The following SEC61A2 variants were observed in gnomAD, a reference collection of about 807,000 sequenced individuals.
SEC61A2 encodes the protein protein transport protein Sec61 subunit alpha isoform 2.
In SEC61A2, 28 loss-of-function variants were observed where a neutral mutation model predicts 59.9. The ratio of observed to expected loss-of-function variants is 0.47; its 90% CI spans 0.35 to 0.64. The LOEUF (loss-of-function observed/expected upper bound fraction) is 0.64. Among genes scored for constraint, SEC61A2 ranks in the 30% least tolerant of loss-of-function variants. SEC61A2 has a pLI of 0.01. For synonymous variants in SEC61A2, 202 were observed against 214.4 expected, an observed-to-expected ratio of 0.94 and a Z score of 0.50; for missense variants, 340 against 585.9, an observed-to-expected ratio of 0.58 and a Z score of 4.33.
chr10:12,160,818 G>A lies in SEC61A2; in HGVS notation c.976-112G>A. 1.2e-6 allele frequency: 1 copy of A among 844,744 alleles called. No individual in the cohort carries two copies. Among genetic ancestry groups the A allele is most frequent in the Non-Finnish European group, 1.9e-6 (1 of 533,610 alleles). 52.3% of individuals were successfully genotyped at this position (844,744 alleles called of 1,614,324 possible). ...CTGAAACTACATAGAATGACTAGCT[G>A]TAGATGCCTTGAACTTAAAACACTG... On this transcript the variant is annotated intron_variant, in intron 9 of 11. Coordinates refer to ENST00000298428, the MANE Select transcript of SEC61A2 (RefSeq NM_018144.4). This position sits in a 1 kb window ranked among gnomAD's most constrained non-coding sequence, Gnocchi z 4.1.
chr10:12,141,916 A>C (rs1016874117), intron 3 of SEC61A2, among the ~76,000 whole-genome samples: 16 of 152,196 alleles, frequency 1.1e-4, no homozygotes, highest in African/African-American at 3.6e-4. Flanking sequence ...TGAATGAGGG[A>C]GACAAATCCA....
At chr10:12,167,694 A>T, downstream of SEC61A2, 1 of 1,613,796 alleles carries the variant, frequency 6.2e-7, no homozygotes, top group Non-Finnish European at 8.5e-7. Context: ...CCAGTGTCAT[A>T]TTTGGGCTTA....
chr10:12,146,437 C>T (rs1389960193), intron 4 of SEC61A2, among the ~76,000 whole-genome samples: 5 of 152,172 alleles, frequency 3.3e-5, no homozygotes, highest in Non-Finnish European at 5.9e-5. Context: ...TCCTGTGCTG[C>T]ATTTTCCTGA....
rs1041782986 is a variant in SEC61A2, at chr10:12,153,034, G to A, written c.463-2744G>A. Among the ~76,000 whole-genome samples the A allele has an allele frequency of 9.3e-5, 14 of 150,872 alleles. No individual in the cohort carries two copies. On this transcript the variant is annotated intron_variant, in intron 6 of 11. Transcript: ENST00000298428. The surrounding 1 kb of genome is among the most constrained non-coding windows in gnomAD (Gnocchi z 5.2). ...AGGTCACACCACTGCACTCCAGCCT[G>A]GGCGACAGAGTGAGACTCTGTCTCA...
In SEC61A2 at chr10:12,162,425, A is replaced by G; in HGVS notation, c.1244+136A>G. 1.2e-6 allele frequency: 1 copy of G among 859,756 alleles called. No individual in the cohort carries two copies. Among genetic ancestry groups the G allele is most frequent in the South Asian group, 1.3e-5 (1 of 75,634 alleles). The allele number at this position is 859,756 out of a possible 1,614,324, so 53.3% of individuals were successfully genotyped here. On this transcript the variant is annotated intron_variant, in intron 11 of 11. Transcript: ENST00000298428. This position sits in a 1 kb window ranked among gnomAD's most constrained non-coding sequence, Gnocchi z 6.1. Reference sequence around the variant, plus strand: ...CACAGATGAATCAAAATTTCACACAAAACTTGTTTTCCATGTCAAAACCAA... The same window carrying G: ...CACAGATGAATCAAAATTTCACACAGAACTTGTTTTCCATGTCAAAACCAA...
At chr10:12,139,494 A>G (rs1833961245) in intron 3 of SEC61A2, among the ~76,000 whole-genome samples, 1 of 151,672 alleles carries the variant, frequency 6.6e-6, no homozygotes, top group African/African-American at 2.4e-5. Context: ...TACTAAAAGT[A>G]CAAAATTGAG....
Position 12,155,657 on chromosome 10 carries a change from A to G in SEC61A2, c.463-121A>G, listed in dbSNP as rs1338562261. The G allele has an allele frequency of 3.5e-6, 4 of 1,144,542 alleles. No homozygotes were observed. The African/African-American group carries it at 6.1e-5, about 18-fold the overall frequency. 70.9% of individuals were successfully genotyped at this position (1,144,542 alleles called of 1,614,324 possible). ...AGATGCAGTTGGTCATCACAGTGAGATTGCAACGATCAGGCCTTAATATTC... is the reference window on the plus strand; with the variant it reads ...AGATGCAGTTGGTCATCACAGTGAGGTTGCAACGATCAGGCCTTAATATTC... On this transcript the variant is annotated intron_variant, in intron 6 of 11. Coordinates refer to ENST00000298428, the MANE Select transcript of SEC61A2 (RefSeq NM_018144.4). This position sits in a 1 kb window ranked among gnomAD's most constrained non-coding sequence, Gnocchi z 4.3.
At chr10:12,167,802 GCTA>G, downstream of SEC61A2, 1 of 1,613,984 alleles carries the variant, frequency 6.2e-7, no homozygotes, top group South Asian at 1.1e-5. Flanking sequence ...ATGTTCTTCA[GCTA>G]CCAGAGCTGT....
At position 12,133,310 on chromosome 10, in the gene SEC61A2, TA is replaced by T; in HGVS notation, c.75+4del. ...GAAATTCAGAAACCGGAAAGGAAAG[TA>T]AGTATAATATTTTAGTAATATAGAG... On this transcript the variant is annotated splice_donor_region_variant and intron_variant, in intron 2 of 11. Coordinates refer to ENST00000298428, the MANE Select transcript of SEC61A2 (RefSeq NM_018144.4). 1 of 1,499,824 alleles carries T rather than the reference TA, an allele frequency of 6.7e-7. No individual in the cohort carries two copies. Among genetic ancestry groups the T allele is most frequent in the Non-Finnish European group, 9.3e-7 (1 of 1,079,624 alleles). The allele number at this position is 1,499,824 out of a possible 1,614,324, so 92.9% of individuals were successfully genotyped here. A position where few individuals can be genotyped will look rare whatever the true frequency, so the allele number is the denominator to read the frequency against.
chr10:12,164,678 G>A lies in SEC61A2; in HGVS notation c.*224G>A. 1 of 1,327,366 alleles carries A rather than the reference G, an allele frequency of 7.5e-7. No homozygotes were observed. 82.2% of individuals were successfully genotyped at this position (1,327,366 alleles called of 1,614,324 possible). On this transcript the variant is annotated 3_prime_UTR_variant, in exon 12 of 12. Transcript: ENST00000298428. This position sits in a 1 kb window ranked among gnomAD's most constrained non-coding sequence, Gnocchi z 7.3. ...TTATTCATTAAAAAAAGTACATCTA[G>A]TGTTGCCTGTAATGCTGGAAACCAG...
chr10:12,148,239 ATT>A (rs66965878), intron 4 of SEC61A2, among the ~76,000 whole-genome samples: 18,150 of 97,424 alleles, frequency 0.19, 1,724 homozygotes, highest in Middle Eastern at 0.25. Context: ...ATGCCCGGCC[ATT>A]TTTTTTTTTT....
downstream of SEC61A2, among the ~76,000 whole-genome samples, chr10:12,168,866 G>A (rs1834779726): frequency 6.6e-6 from 1 of 152,004 alleles, no homozygotes; most frequent in African/African-American, 2.4e-5. This position sits in a 1 kb window ranked among gnomAD's most constrained non-coding sequence, Gnocchi z 4.8. Flanking sequence ...GGGTTCAAGC[G>A]ATTCTCCTGC....
intron 3 of SEC61A2, among the ~76,000 whole-genome samples, chr10:12,137,869 G>T (rs1833923764): frequency 6.6e-6 from 1 of 152,068 alleles, no homozygotes. Flanking sequence ...AGCCAGGCAT[G>T]GTGGCGTGCA....
chr10:12,137,369 G>A (rs1833913470), intron 3 of SEC61A2, among the ~76,000 whole-genome samples: 1 of 151,996 alleles, frequency 6.6e-6, no homozygotes, highest in African/African-American at 2.4e-5. Flanking sequence ...CACCCAGGCT[G>A]CAGTGATCAC....
In SEC61A2 at chr10:12,153,170, G is replaced by C. The variant is rs548864036; in HGVS notation, c.463-2608G>C. Among the ~76,000 whole-genome samples the C allele has an allele frequency of 2.0e-5, 3 of 152,130 alleles. No homozygotes were observed. The East Asian group carries it at 5.8e-4, about 29-fold the overall frequency. ...ATTAGGGAAAGAGGCGCATTGGATG[G>C]GGAGAGATGATATTCTGGAGTCTGA... On this transcript the variant is annotated intron_variant, in intron 6 of 11. Transcript: ENST00000298428. This position sits in a 1 kb window ranked among gnomAD's most constrained non-coding sequence, Gnocchi z 5.2.
At chr10:12,150,407 A>G (rs1374738805) in intron 6 of SEC61A2, among the ~76,000 whole-genome samples, 3 of 152,212 alleles carry the variant, frequency 2.0e-5, no homozygotes, top group African/African-American at 7.2e-5. Context: ...GCTGAGTGTG[A>G]TCTTCACAGA....
chr10:12,162,095 A>G lies in SEC61A2; in HGVS notation c.1168-118A>G. On this transcript the variant is annotated intron_variant, in intron 10 of 11. Coordinates refer to ENST00000298428, the MANE Select transcript of SEC61A2 (RefSeq NM_018144.4). This position sits in a 1 kb window ranked among gnomAD's most constrained non-coding sequence, Gnocchi z 6.1. ...TTAATGCGAATGATATGACAATGCA[A>G]CTTTCAGGTTATTGTATGTTACGTG... The G allele has an allele frequency of 1.3e-6, 1 of 782,852 alleles. No homozygotes were observed. Among genetic ancestry groups the G allele is most frequent in the Admixed American group, 2.0e-5 (1 of 49,804 alleles). 48.5% of individuals were successfully genotyped at this position (782,852 alleles called of 1,614,324 possible).
chr10:12,156,825 T>A lies in SEC61A2; in HGVS notation c.617-82T>A. Reference sequence around the variant, plus strand: ...TTGACCCATATTTTCTGCTGTATACTGGACTTTCACGGTTAGTTGTTTGAG... The same window carrying A: ...TTGACCCATATTTTCTGCTGTATACAGGACTTTCACGGTTAGTTGTTTGAG... On this transcript the variant is annotated intron_variant, in intron 7 of 11. Coordinates refer to ENST00000298428, the MANE Select transcript of SEC61A2 (RefSeq NM_018144.4). The surrounding 1 kb of genome is among the most constrained non-coding windows in gnomAD (Gnocchi z 5.2). 1 of 1,418,826 alleles carries A rather than the reference T, an allele frequency of 7.0e-7. No individual in the cohort carries two copies. Among genetic ancestry groups the A allele is most frequent in the Non-Finnish European group, 9.8e-7 (1 of 1,024,994 alleles). The allele number at this position is 1,418,826 out of a possible 1,614,324, so 87.9% of individuals were successfully genotyped here.
rs1382420206 is a variant in SEC61A2, at chr10:12,145,887, AAT to A, written c.220+2693_220+2694del. Among the ~76,000 whole-genome samples, 1 of 152,212 alleles carries A rather than the reference AAT, an allele frequency of 6.6e-6. No homozygotes were observed. Among genetic ancestry groups the A allele is most frequent in the Non-Finnish European group, 1.5e-5 (1 of 68,036 alleles). ...TGGAAGGATACTGGTTATTTTTTGG[AAT>A]CTACAGTGGAGATGAACAGCTAAGC... On this transcript the variant is annotated intron_variant, in intron 4 of 11. Transcript: ENST00000298428. The surrounding 1 kb of genome is among the most constrained non-coding windows in gnomAD (Gnocchi z 4.4).
Sources: gnomAD v4.1 joint callset for allele counts (sites outside exome capture counted in the v4.1 genomes callset) on GRCh38, gnomAD v4.1.1 for gene constraint, Gnocchi (gnomAD v3.1) non-coding constraint, MANE v1.5 for transcripts, NCBI Gene and HGNC (gene_info 2026-07-23, HGNC 2026-07-21) for gene names.